C11orf97: variants seen among roughly 807,000 people sequenced by gnomAD.
The protein encoded by C11orf97 is chromosome 11 open reading frame 97.
A neutral mutation model predicts 16.2 loss-of-function variants in C11orf97; 15 were observed. The ratio of observed to expected loss-of-function variants is 0.93; its 90% CI spans 0.62 to 1.43. The LOEUF (loss-of-function observed/expected upper bound fraction) is 1.43, where lower values mean the gene tolerates loss of function less well. Ranked by LOEUF, C11orf97 falls within the 40% of genes most tolerant of loss-of-function variation. The probability of loss-of-function intolerance (pLI) is 0.00; values close to 1 mark genes in which losing one functional copy is unlikely to be tolerated. For missense variants in C11orf97, 171 were observed against 161.2 expected (o/e 1.06, Z -0.33); for synonymous variants, 61 against 65.7 (o/e 0.93, Z 0.34).
chr11:94,512,658 G>C lies in C11orf97; in HGVS notation c.130G>C (p.Glu44Gln), dbSNP rs1947578710. The change falls in exon 1 of 4, where the codon GAG (glutamate) becomes CAG (glutamine). Residue 44 changes from glutamate (E) to glutamine (Q), a missense_variant. Glu to Gln is a conservative substitution (Grantham distance 29). Coordinates refer to ENST00000542198, the MANE Select transcript of C11orf97 (RefSeq NM_001190462.2). Reference protein sequence around the residue: ...ARGEPGRGPLEHGQQWKKFLY... With the variant: ...ARGEPGRGPLQHGQQWKKFLY... ...CGGGGAACCCGGCCGCGGCCCCCTA[G>C]AGCACGGCCAGCAGTGTGAGTTCAG... 8.0e-7 allele frequency: 1 copy of C among 1,246,194 alleles called. No individual in the cohort carries two copies. Among genetic ancestry groups the C allele is most frequent in the Middle Eastern group, 3.1e-4 (1 of 3,246 alleles). The allele number at this position is 1,246,194 out of a possible 1,614,324, so 77.2% of individuals were successfully genotyped here.
intron 2 of C11orf97, among the ~76,000 whole-genome samples, chr11:94,518,944 T>A (rs1947636079): frequency 1.3e-5 from 2 of 151,786 alleles, no homozygotes; most frequent in Non-Finnish European, 2.9e-5. Flanking sequence ...AGTCTCACTC[T>A]GTCACCCAGG....
intron 3 of C11orf97, among the ~76,000 whole-genome samples, chr11:94,529,183 ACT>A: frequency 6.6e-6 from 1 of 152,142 alleles, no homozygotes; most frequent in Non-Finnish European, 1.5e-5. Flanking sequence ...ACCACTAGAC[ACT>A]ACTGCATCTC....
chr11:94,522,981 C>T (rs1565253516), intron 2 of C11orf97, among the ~76,000 whole-genome samples: 1 of 152,054 alleles, frequency 6.6e-6, no homozygotes, highest in East Asian at 1.9e-4. Flanking sequence ...GCTGACCTGC[C>T]CACTCCACTG....
chr11:94,513,423 G>A (rs1947584713), intron 1 of C11orf97, among the ~76,000 whole-genome samples: 1 of 152,196 alleles, frequency 6.6e-6, no homozygotes. Context: ...TCTTCAGTAG[G>A]TGCTAAGGAA....
In C11orf97 at chr11:94,512,721, G is replaced by C. The variant is rs180873267; in HGVS notation, c.145+48G>C. On this transcript the variant is annotated intron_variant, in intron 1 of 3. Coordinates refer to ENST00000542198, the MANE Select transcript of C11orf97 (RefSeq NM_001190462.2). ...ACGCTACTGGGAGGAGGGGCGTGGA[G>C]AACGAGTGACAGGGCAATTGGGGGA... 812 of 1,234,108 alleles carry C rather than the reference G, an allele frequency of 6.6e-4. 5 individuals are homozygous for C. Among genetic ancestry groups the C allele is most frequent in the Non-Finnish European group, 4.6e-4 (458 of 988,944 alleles). 76.4% of individuals were successfully genotyped at this position (1,234,108 alleles called of 1,614,324 possible). A position where few individuals can be genotyped will look rare whatever the true frequency, so the allele number is the denominator to read the frequency against.
At chr11:94,529,065 GCA>G (rs556514526) in intron 3 of C11orf97, among the ~76,000 whole-genome samples, 117 of 152,208 alleles carry the variant, frequency 7.7e-4, no homozygotes, top group African/African-American at 2.8e-3. Context: ...AGAAACTCAG[GCA>G]CAGAGAGGTG....
At chr11:94,521,287 A>T (rs552293352) in intron 2 of C11orf97, among the ~76,000 whole-genome samples, 1 of 152,188 alleles carries the variant, frequency 6.6e-6, no homozygotes, top group African/African-American at 2.4e-5. Context: ...TGATTTTTCA[A>T]TGTGATGGTG....
chr11:94,512,771 G>A lies in C11orf97; in HGVS notation c.145+98G>A, dbSNP rs1336119612. The A allele has an allele frequency of 6.7e-6, 8 of 1,198,834 alleles. No individual in the cohort carries two copies. The African/African-American group carries it at 1.3e-4, about 19-fold the overall frequency. 74.3% of individuals were successfully genotyped at this position (1,198,834 alleles called of 1,614,324 possible). The stretch of plus-strand genomic sequence containing the variant: ...AAACCGCAGTGGGACTGGCTGAGAA[G>A]GTTTGGGGCAGGGGAGGTGGAGCTG... On this transcript the variant is annotated intron_variant, in intron 1 of 3. Coordinates refer to ENST00000542198, the MANE Select transcript of C11orf97 (RefSeq NM_001190462.2).
rs548507430 is a variant in C11orf97, at chr11:94,514,860, G to T, written c.145+2187G>T. 2.0e-5 allele frequency among the ~76,000 whole-genome samples: 3 copies of T among 151,978 alleles called. No homozygotes were observed. The South Asian group carries it at 6.2e-4, about 32-fold the overall frequency. On this transcript the variant is annotated intron_variant, in intron 1 of 3. Transcript: ENST00000542198. ...GGGTTTCACCATGTTGGCCAGGCTG[G>T]TCTTGGACTCCTGACCTCAAGTAAT...
At chr11:94,515,909 T>C (rs1947608376) in intron 1 of C11orf97, among the ~76,000 whole-genome samples, 1 of 152,170 alleles carries the variant, frequency 6.6e-6, no homozygotes, top group South Asian at 2.1e-4. Context: ...TGAGAGCAGG[T>C]GGTCTTTTCC....
Position 94,521,719 on chromosome 11 carries a change from T to C in C11orf97, c.250+4032T>C, listed in dbSNP as rs150604623. 3.1e-4 allele frequency among the ~76,000 whole-genome samples: 47 copies of C among 152,358 alleles called. No homozygotes were observed. The East Asian group carries it at 8.1e-3, about 26-fold the overall frequency. ...TGATATTGATATTCTGATCCCCATC[T>C]TAGGATGAGTAAACTAAGATTCTGA... On this transcript the variant is annotated intron_variant, in intron 2 of 3. Coordinates refer to ENST00000542198, the MANE Select transcript of C11orf97 (RefSeq NM_001190462.2).
intron 2 of C11orf97, among the ~76,000 whole-genome samples, chr11:94,526,662 A>T (rs562772631): frequency 4.6e-5 from 7 of 152,320 alleles, no homozygotes; most frequent in African/African-American, 1.4e-4. Context: ...AGAGTTTATT[A>T]TCCAGAGGCT....
intron 2 of C11orf97, among the ~76,000 whole-genome samples, chr11:94,522,021 A>G (rs1312950183): frequency 6.6e-6 from 1 of 152,128 alleles, no homozygotes; most frequent in African/African-American, 2.4e-5. Context: ...TCCTCTGTTA[A>G]GCACTCTTTT....
At chr11:94,521,977 T>C (rs1160525836) in intron 2 of C11orf97, among the ~76,000 whole-genome samples, 2 of 152,218 alleles carry the variant, frequency 1.3e-5, no homozygotes, top group East Asian at 3.8e-4. Flanking sequence ...CCATGATACT[T>C]AACTGTCCTG....
At chr11:94,522,406 G>A (rs900747421) in intron 2 of C11orf97, among the ~76,000 whole-genome samples, 124 of 152,190 alleles carry the variant, frequency 8.1e-4, no homozygotes, top group Non-Finnish European at 1.2e-3. Context: ...GCGTGGTGGC[G>A]GGTGCCTGTA....
chr11:94,528,079 G>A lies in C11orf97; in HGVS notation c.251-5G>A. The A allele has an allele frequency of 6.6e-7, 1 of 1,523,854 alleles. No homozygotes were observed. The highest frequency in any genetic ancestry group is 1.4e-5 in the African/African-American group (1 of 72,548). The allele number at this position is 1,523,854 out of a possible 1,614,324, so 94.4% of individuals were successfully genotyped here. A position where few individuals can be genotyped will look rare whatever the true frequency, so the allele number is the denominator to read the frequency against. Reference sequence around the variant, plus strand: ...TTATTTTCTTGCCTTAAAAAATATTGACAGTGGCCCTGGAAGGGATTTGGA... The same window carrying A: ...TTATTTTCTTGCCTTAAAAAATATTAACAGTGGCCCTGGAAGGGATTTGGA... On this transcript the variant is annotated splice_polypyrimidine_tract_variant and splice_region_variant and intron_variant, in intron 2 of 3. Coordinates refer to ENST00000542198, the MANE Select transcript of C11orf97 (RefSeq NM_001190462.2).
intron 3 of C11orf97, among the ~76,000 whole-genome samples, chr11:94,528,465 A>G (rs374211726): frequency 6.6e-6 from 1 of 151,940 alleles, no homozygotes; most frequent in African/African-American, 2.4e-5. Flanking sequence ...TTTTTTCTTT[A>G]CTTTCTATCT....
At position 94,531,366 on chromosome 11, in the gene C11orf97, G is replaced by A. The variant is rs146617359; in HGVS notation, c.377-530G>A. ...AAGAACCAGAATCGCTTGAACCTGG[G>A]TGGCAGGGGTTGCAGCGACCCAAGA... On this transcript the variant is annotated intron_variant, in intron 3 of 3. Transcript: ENST00000542198. 2.5e-4 allele frequency among the ~76,000 whole-genome samples: 38 copies of A among 152,156 alleles called. No homozygotes were observed. In the East Asian group the frequency reaches 7.3e-3, roughly 29 times the overall value.
At chr11:94,528,245 C>T in intron 3 of C11orf97, 36 bp downstream of exon 3, 1 of 1,509,838 alleles carries the variant, frequency 6.6e-7, no homozygotes, top group Non-Finnish European at 8.8e-7. Context: ...CACTGAAGCC[C>T]CTGAGGGGAC....
Sources: gnomAD v4.1 joint callset for allele counts (sites outside exome capture counted in the v4.1 genomes callset) on GRCh38, gnomAD v4.1.1 for gene constraint, MANE v1.5 for transcripts, NCBI Gene and HGNC (gene_info 2026-07-23, HGNC 2026-07-21) for gene names.